Variants in TECPR2 observed in about 807,000 individuals in gnomAD.
TECPR2 encodes tectonin beta-propeller repeat containing 2.
TECPR2 carries 65 observed loss-of-function variants against 138.1 expected under a neutral mutation model. The observed-to-expected ratio is 0.47, with a 90% CI of 0.39 to 0.58. TECPR2 has a LOEUF of 0.58. Among genes scored for constraint, TECPR2 ranks in the 20% least tolerant of loss-of-function variants. The pLI, the probability that TECPR2 is intolerant of heterozygous loss-of-function variation, is 0.00. For synonymous variants in TECPR2, 746 were observed against 749.8 expected (o/e 0.99, Z 0.08); for missense variants, 1,553 against 1,824.5 (o/e 0.85, Z 2.71).
intron 17 of TECPR2, among the ~76,000 whole-genome samples, chr14:102,494,323 G>C (rs1341336432): frequency 6.6e-6 from 1 of 152,068 alleles, no homozygotes; most frequent in Non-Finnish European, 1.5e-5. Context: ...CAGGCAGATC[G>C]CTGGAGGTCA....
At chr14:102,456,493 C>T (rs1426608310) in intron 16 of TECPR2, among the ~76,000 whole-genome samples, 1 of 152,064 alleles carries the variant, frequency 6.6e-6, no homozygotes, top group Non-Finnish European at 1.5e-5. Flanking sequence ...TGTTCCTCTG[C>T]ACACGCACCT....
At chr14:102,411,121 G>C (rs1184752980) in intron 4 of TECPR2, among the ~76,000 whole-genome samples, 1 of 152,178 alleles carries the variant, frequency 6.6e-6, no homozygotes, top group East Asian at 1.9e-4. Flanking sequence ...CCTCCCTTCA[G>C]CTTAATCTCT....
chr14:102,421,760 G>T (rs1373120747), intron 5 of TECPR2, among the ~76,000 whole-genome samples: 1 of 152,148 alleles, frequency 6.6e-6, no homozygotes, highest in Non-Finnish European at 1.5e-5. Context: ...CCTCACTTCA[G>T]CCTTTGAGAT....
chr14:102,407,314 C>A (rs1888684657), intron 2 of TECPR2, 24 bp from the exon 3 acceptor site: 1 of 1,576,136 alleles, frequency 6.3e-7, no homozygotes, highest in South Asian at 1.2e-5. Context: ...GTTACAGATT[C>A]ATTTGTTTTC....
intron 2 of TECPR2, among the ~76,000 whole-genome samples, chr14:102,379,752 C>G (rs934905195): frequency 2.8e-5 from 4 of 143,934 alleles, no homozygotes; most frequent in African/African-American, 1.0e-4. Context: ...TGCTGAAGAT[C>G]ACCATCTTAA....
At position 102,384,699 on chromosome 14, in the gene TECPR2, A is replaced by G. The variant is rs187912692; in HGVS notation, c.219+7759A>G. Among the ~76,000 whole-genome samples the G allele has an allele frequency of 6.1e-3, 891 of 145,496 alleles. 10 individuals carry two copies. Among genetic ancestry groups the G allele is most frequent in the African/African-American group, 0.019 (738 of 38,020 alleles). On this transcript the variant is annotated intron_variant, in intron 2 of 19. Coordinates refer to ENST00000359520, the MANE Select transcript of TECPR2 (RefSeq NM_014844.5). ...CTCAAAAAAAAATATATATATATAT[A>G]TGTGTGTGTGTGTGTATATATATAT...
chr14:102,501,012 T>C lies in TECPR2; in HGVS notation c.*2755T>C, dbSNP rs1223913054. 1 of 152,248 alleles carries C rather than the reference T, an allele frequency of 6.6e-6. No homozygotes were observed. The highest frequency in any genetic ancestry group is 2.4e-5 in the African/African-American group (1 of 41,448). The allele number at this position is 152,248 out of a possible 1,614,324, so 9.4% of individuals were successfully genotyped here. ...TGATGCCTCCTCACTGTCCCGTCAC[T>C]CCTGGGAAGAAGAAACGGGTGAGAA... On this transcript the variant is annotated 3_prime_UTR_variant, in exon 20 of 20. Transcript: ENST00000359520.
chr14:102,366,634 A>G (rs920419530), intron 1 of TECPR2, among the ~76,000 whole-genome samples: 14 of 152,244 alleles, frequency 9.2e-5, no homozygotes, highest in Admixed American at 2.6e-4. Flanking sequence ...GGCGTGAGCC[A>G]TCATGCCCAG....
At position 102,465,235 on chromosome 14, in the gene TECPR2, T is replaced by C. The variant is rs901211067; in HGVS notation, c.3735T>C (p.Pro1245=). The C allele has an allele frequency of 6.2e-7, 1 of 1,614,084 alleles. No homozygotes were observed. The highest frequency in any genetic ancestry group is 1.7e-5 in the Admixed American group (1 of 59,996). ...TTTACTTCCGTGTAGGGACTCAGCC[T>C]CTCAATCCCAGTCTCATGCTTCCAG... is the stretch of plus-strand genomic sequence containing the variant. ...GGVYFRVGTQ[P]LNPSLMLPAW... is the part of the protein sequence containing the mutation. The change falls in exon 17 of 20, where the codon CCT becomes CCC. Residue 1245 remains proline, a synonymous_variant. Coordinates refer to ENST00000359520, the MANE Select transcript of TECPR2 (RefSeq NM_014844.5).
intron 12 of TECPR2, among the ~76,000 whole-genome samples, chr14:102,444,265 C>G (rs1354020128): frequency 6.6e-6 from 1 of 150,984 alleles, no homozygotes; most frequent in African/African-American, 2.4e-5. Context: ...ACGATCACGG[C>G]TCACTGCAGC....
chr14:102,421,188 G>A (rs11624305), intron 5 of TECPR2, among the ~76,000 whole-genome samples: 48,532 of 151,940 alleles, frequency 0.32, 8,072 homozygotes, highest in Middle Eastern at 0.4. Context: ...AAATTGGATC[G>A]CCAAGAGAAA....
At chr14:102,453,086 C>A (rs749060922) in intron 16 of TECPR2, among the ~76,000 whole-genome samples, 2 of 152,210 alleles carry the variant, frequency 1.3e-5, no homozygotes, top group Non-Finnish European at 2.9e-5. Flanking sequence ...GCTAGCTCTC[C>A]TTCAGCTCAG....
intron 7 of TECPR2, among the ~76,000 whole-genome samples, chr14:102,428,960 G>A (rs150665584): frequency 0.01 from 1,569 of 151,338 alleles, 28 homozygotes; most frequent in African/African-American, 0.036. Flanking sequence ...CTATTCTCCT[G>A]CCTCAGCCTC....
rs753829645 is a variant in TECPR2 at position 102,407,368 on chromosome 14, C to A, written c.250C>A (p.Leu84Met). Residue 84 changes from leucine (L) to methionine (M), a missense_variant, in exon 3 of 20, where the codon CTG becomes ATG. By Grantham distance (15) the Leu-to-Met change is conservative. Coordinates refer to ENST00000359520, the MANE Select transcript of TECPR2 (RefSeq NM_014844.5). ...GACGGAATCTATCACTGTGGTGAAG[C>A]TGCTGAGCTGCTTTGATGACCTGGT... Reference protein sequence around the residue: ...GKTESITVVKLLSCFDDLVAA... With the variant: ...GKTESITVVKMLSCFDDLVAA... 2 of 1,613,048 alleles carry A rather than the reference C, an allele frequency of 1.2e-6. No individual in the cohort carries two copies. The highest frequency in any genetic ancestry group is 2.7e-5 in the African/African-American group (2 of 74,990).
At chr14:102,462,159 G>A (rs1222814708) in intron 16 of TECPR2, among the ~76,000 whole-genome samples, 1 of 152,236 alleles carries the variant, frequency 6.6e-6, no homozygotes, top group East Asian at 1.9e-4. Context: ...GTGTGTTTTT[G>A]TCACCATGTG....
At chr14:102,441,224 C>T (rs1218440185) in intron 11 of TECPR2, among the ~76,000 whole-genome samples, 1 of 152,078 alleles carries the variant, frequency 6.6e-6, no homozygotes, top group Non-Finnish European at 1.5e-5. Context: ...CCCATCACCA[C>T]GCCCAGCCAA....
intron 1 of TECPR2, 120 bp downstream of exon 1, chr14:102,363,236 C>T (rs1308614886): frequency 9.4e-6 from 2 of 212,280 alleles, no homozygotes; most frequent in African/African-American, 4.6e-5. Context: ...GCAGGGTCTC[C>T]ATGCCCGTCC....
At chr14:102,364,828 G>A (rs1887301248) in intron 1 of TECPR2, among the ~76,000 whole-genome samples, 1 of 152,200 alleles carries the variant, frequency 6.6e-6, no homozygotes, top group Admixed American at 6.5e-5. Flanking sequence ...TCAGGCAGAG[G>A]CAGTTGATTG....
At chr14:102,457,889 T>C (rs917526939) in intron 16 of TECPR2, among the ~76,000 whole-genome samples, 1 of 149,116 alleles carries the variant, frequency 6.7e-6, no homozygotes, top group African/African-American at 2.5e-5. Context: ...TTTTTTTTTT[T>C]TGAGATAGTG....
Sources: gnomAD v4.1 joint callset for allele counts (sites outside exome capture counted in the v4.1 genomes callset) on GRCh38, gnomAD v4.1.1 for gene constraint, MANE v1.5 for transcripts, NCBI Gene and HGNC (gene_info 2026-07-23, HGNC 2026-07-21) for gene names.